Variants in C10orf90 observed in about 807,000 individuals in gnomAD.
C10orf90 encodes (E2-independent) E3 ubiquitin-conjugating enzyme FATS.
Under a neutral mutation model 62.5 loss-of-function variants are expected in C10orf90, and 56 were observed. That is an observed-to-expected ratio of 0.90 (90% CI 0.72 to 1.12). The LOEUF (loss-of-function observed/expected upper bound fraction) is 1.12. Among genes scored for constraint, C10orf90 ranks in the 50% most tolerant of loss-of-function variants. The pLI, the probability that C10orf90 is intolerant of heterozygous loss-of-function variation, is 0.00. For missense variants in C10orf90, 970 were observed against 880.4 expected (o/e 1.10, Z -1.29); for synonymous variants, 386 against 340.4 (o/e 1.13, Z -1.47).
intron 2 of C10orf90, among the ~76,000 whole-genome samples, chr10:126,612,614 A>G (rs959934318): frequency 6.6e-6 from 1 of 152,200 alleles, no homozygotes; most frequent in Non-Finnish European, 1.5e-5. Context: ...TTTTTTATGT[A>G]GAAAAGCACA....
intron 5 of C10orf90, among the ~76,000 whole-genome samples, chr10:126,461,932 T>C (rs1194373589): frequency 6.6e-6 from 1 of 152,138 alleles, no homozygotes; most frequent in Non-Finnish European, 1.5e-5. Context: ...GTTCGGTTGT[T>C]TTGGGACAGT....
Position 126,464,859 on chromosome 10 carries a change from G to T in C10orf90, c.1662C>A (p.Ser554Arg), listed in dbSNP as rs74814928. 1 of 1,614,162 alleles carries T rather than the reference G, an allele frequency of 6.2e-7. No individual in the cohort carries two copies. Among genetic ancestry groups the T allele is most frequent in the African/African-American group, 1.3e-5 (1 of 75,022 alleles). The change falls in exon 5 of 10, where the codon AGC (serine) becomes AGA (arginine). Residue 554 changes from serine to arginine, a missense_variant. Coordinates refer to ENST00000488181, the MANE Select transcript of C10orf90 (RefSeq NM_001350921.2). The part of the protein sequence containing the change: ...HFLPIGDSSP[S>R]DDCLSRDLSE... ...AAAGGTCTCTAGACAGACAGTCATCGCTTGGAGAGCTATCCCCAATGGGAA... is the reference window on the plus strand; with the variant it reads ...AAAGGTCTCTAGACAGACAGTCATCTCTTGGAGAGCTATCCCCAATGGGAA...
chr10:126,599,011 CAAT>C (rs1845140916), intron 2 of C10orf90, among the ~76,000 whole-genome samples: 1 of 152,136 alleles, frequency 6.6e-6, no homozygotes, highest in African/African-American at 2.4e-5. Flanking sequence ...ATTTTGTTGA[CAAT>C]AACAGAGAAA....
At chr10:126,443,521 T>C in intron 7 of C10orf90, among the ~76,000 whole-genome samples, 1 of 150,824 alleles carries the variant, frequency 6.6e-6, no homozygotes, top group Non-Finnish European at 1.5e-5. Flanking sequence ...GAAACGGTAA[T>C]TTAAAAATTA....
chr10:126,531,706 C>A (rs1864100342), intron 2 of C10orf90, among the ~76,000 whole-genome samples: 1 of 152,126 alleles, frequency 6.6e-6, no homozygotes, highest in Admixed American at 6.5e-5. Context: ...AGCAGGATAT[C>A]TTTGTAAACT....
At chr10:126,531,435 A>G (rs2133955605) in intron 2 of C10orf90, among the ~76,000 whole-genome samples, 1 of 152,346 alleles carries the variant, frequency 6.6e-6, no homozygotes, top group Non-Finnish European at 1.5e-5. Flanking sequence ...AAGGGTCAAC[A>G]GTTCTGAGGA....
At chr10:126,609,391 G>A (rs1232193787) in intron 2 of C10orf90, among the ~76,000 whole-genome samples, 1 of 152,096 alleles carries the variant, frequency 6.6e-6, no homozygotes, top group Non-Finnish European at 1.5e-5. Flanking sequence ...CAAAAAGAGT[G>A]AAACTCCATC....
intron 5 of C10orf90, 130 bp downstream of exon 5, chr10:126,464,566 C>T (rs1860171559): frequency 2.8e-6 from 3 of 1,062,530 alleles, no homozygotes; most frequent in Admixed American, 2.3e-5. Context: ...CCTCTCTGCT[C>T]TCCCAGTTGG....
intron 3 of C10orf90, among the ~76,000 whole-genome samples, chr10:126,509,310 A>C (rs1255877490): frequency 2.6e-5 from 4 of 152,154 alleles, no homozygotes; most frequent in Non-Finnish European, 5.9e-5. Context: ...GCCCTCTCAA[A>C]ATACCAATGT....
chr10:126,483,517 G>A (rs954060798), intron 4 of C10orf90, among the ~76,000 whole-genome samples: 2 of 152,272 alleles, frequency 1.3e-5, no homozygotes, highest in Middle Eastern at 3.4e-3. Flanking sequence ...TGCAAGCATC[G>A]AGCTGAGCTT....
intron 1 of C10orf90, among the ~76,000 whole-genome samples, chr10:126,660,728 A>G (rs1400000054): frequency 6.6e-6 from 1 of 152,254 alleles, no homozygotes; most frequent in African/African-American, 2.4e-5. Context: ...ATAATTTGTT[A>G]GGCAGCAATA....
chr10:126,622,922 T>A (rs1404649567), intron 2 of C10orf90, among the ~76,000 whole-genome samples: 1 of 152,234 alleles, frequency 6.6e-6, no homozygotes, highest in Admixed American at 6.5e-5. Flanking sequence ...CGCAGACTCC[T>A]CATTGTTACA....
At chr10:126,468,357 G>A (rs778392592) in intron 4 of C10orf90, among the ~76,000 whole-genome samples, 3 of 152,148 alleles carry the variant, frequency 2.0e-5, no homozygotes, top group South Asian at 2.1e-4. Context: ...GTGAGCCGCC[G>A]CGCCTGGCCA....
intron 2 of C10orf90, among the ~76,000 whole-genome samples, chr10:126,541,967 T>C (rs1362607480): frequency 6.6e-6 from 1 of 152,182 alleles, no homozygotes; most frequent in East Asian, 1.9e-4. Flanking sequence ...GTACATACAT[T>C]CAATGGAACA....
At chr10:126,620,007 T>A (rs1845615845) in intron 2 of C10orf90, among the ~76,000 whole-genome samples, 1 of 152,158 alleles carries the variant, frequency 6.6e-6, no homozygotes, top group Non-Finnish European at 1.5e-5. Flanking sequence ...TTTATATTAA[T>A]CAATAATCTA....
intron 1 of C10orf90, among the ~76,000 whole-genome samples, chr10:126,667,398 G>A (rs934723645): frequency 1.3e-5 from 2 of 152,156 alleles, no homozygotes; most frequent in Non-Finnish European, 2.9e-5. Flanking sequence ...AGAAAAAGGA[G>A]ATGGAAATGA....
chr10:126,428,384 T>G (rs1452581217), intron 8 of C10orf90, among the ~76,000 whole-genome samples: 1 of 152,112 alleles, frequency 6.6e-6, no homozygotes, highest in East Asian at 1.9e-4. Context: ...AAAAATGTAA[T>G]TTAACGATAT....
Position 126,606,490 on chromosome 10 carries a change from C to G in C10orf90, c.313+40075G>C, listed in dbSNP as rs1439967010. Among the ~76,000 whole-genome samples the G allele has an allele frequency of 6.6e-5, 10 of 152,104 alleles. No individual in the cohort carries two copies. The East Asian group carries it at 1.7e-3, about 26-fold the overall frequency. On this transcript the variant is annotated intron_variant, in intron 2 of 9. Transcript: ENST00000488181. ...ATACTATAAGTCGTTTATGCCATTTCTCGAAGTTATCCGGTGTGGGCTCTC... is the reference window on the plus strand; with the variant it reads ...ATACTATAAGTCGTTTATGCCATTTGTCGAAGTTATCCGGTGTGGGCTCTC...
At chr10:126,519,618 A>C (rs1003203983) in intron 2 of C10orf90, among the ~76,000 whole-genome samples, 1 of 152,228 alleles carries the variant, frequency 6.6e-6, no homozygotes, top group African/African-American at 2.4e-5. Context: ...CCTTTTAAAA[A>C]TACTCTCTGT....
Sources: allele counts gnomAD v4.1 joint callset (sites outside exome capture counted in the v4.1 genomes callset), GRCh38; gene constraint gnomAD v4.1.1; transcripts MANE v1.5; gene names NCBI Gene and HGNC (gene_info 2026-07-23, HGNC 2026-07-21).